METTL25: variants seen among roughly 807,000 people sequenced by gnomAD.
METTL25 encodes the protein probable methyltransferase-like protein 25.
A neutral mutation model predicts 71.6 loss-of-function variants in METTL25; 64 were observed. The ratio of observed to expected loss-of-function variants is 0.89; its 90% confidence interval spans 0.73 to 1.10. METTL25 has a LOEUF of 1.10. METTL25 is among the 50% of genes least tolerant of loss of function. The pLI is 0.00. For synonymous variants in METTL25, 287 were observed against 250.3 expected, an observed-to-expected ratio of 1.15 and a Z score of -1.38; for missense variants, 807 against 707.0, an observed-to-expected ratio of 1.14 and a Z score of -1.60.
intron 5 of METTL25, among the ~76,000 whole-genome samples, chr12:82,413,732 A>T (rs2137069658): frequency 6.6e-6 from 1 of 152,046 alleles, no homozygotes; most frequent in South Asian, 2.1e-4. Flanking sequence ...ATTTAACCTT[A>T]TTTGTATTTA....
intron 1 of METTL25, among the ~76,000 whole-genome samples, chr12:82,384,881 A>C (rs991782923): frequency 6.6e-6 from 1 of 152,124 alleles, no homozygotes; most frequent in African/African-American, 2.4e-5. Context: ...CTCTTATTCT[A>C]TCACACTCTA....
chr12:82,399,993 A>G (rs1016708559), intron 4 of METTL25, among the ~76,000 whole-genome samples: 3 of 150,792 alleles, frequency 2.0e-5, no homozygotes, highest in African/African-American at 7.3e-5. Context: ...TACCCTTGTA[A>G]TTTTTTTTTC....
At chr12:82,406,236 A>G (rs1336107433) in intron 5 of METTL25, among the ~76,000 whole-genome samples, 1 of 152,200 alleles carries the variant, frequency 6.6e-6, no homozygotes, top group Non-Finnish European at 1.5e-5. Context: ...CCTAGGAACC[A>G]GATAATCCTT....
intron 1 of METTL25, chr12:82,369,488 G>A (rs1390888711): frequency 6.7e-6 from 3 of 448,708 alleles, no homozygotes; most frequent in Non-Finnish European, 1.3e-5. Context: ...TCCTTCAGAT[G>A]TGTCCAGAGT....
At chr12:82,407,403 G>T (rs1272263852) in intron 5 of METTL25, among the ~76,000 whole-genome samples, 2 of 152,128 alleles carry the variant, frequency 1.3e-5, no homozygotes, top group Non-Finnish European at 2.9e-5. Flanking sequence ...GGAAAGGTTT[G>T]TGAGAACTGT....
At chr12:82,385,745 A>G (rs905544965) in intron 1 of METTL25, among the ~76,000 whole-genome samples, 2 of 152,170 alleles carry the variant, frequency 1.3e-5, no homozygotes, top group Non-Finnish European at 2.9e-5. Flanking sequence ...AAAGGAATGA[A>G]ATTTAATTTT....
intron 5 of METTL25, among the ~76,000 whole-genome samples, chr12:82,406,142 T>C (rs144142022): frequency 1.6e-4 from 24 of 152,302 alleles, no homozygotes; most frequent in African/African-American, 5.0e-4. Context: ...GTGCCAACTG[T>C]GTTCCACTCT....
At chr12:82,439,587 C>T (rs1038322308) in intron 8 of METTL25, among the ~76,000 whole-genome samples, 26 of 151,716 alleles carry the variant, frequency 1.7e-4, no homozygotes, top group African/African-American at 5.8e-4. Flanking sequence ...CCACTTTTTA[C>T]GGATAGAAGT....
chr12:82,396,737 A>T (rs899015977), intron 3 of METTL25, among the ~76,000 whole-genome samples: 2 of 152,048 alleles, frequency 1.3e-5, no homozygotes, highest in Non-Finnish European at 2.9e-5. Context: ...ATCCTCCTAA[A>T]AACTTTTCTT....
At chr12:82,453,917 T>G (rs947253023) in intron 8 of METTL25, among the ~76,000 whole-genome samples, 11 of 152,216 alleles carry the variant, frequency 7.2e-5, no homozygotes, top group African/African-American at 2.2e-4. Flanking sequence ...TCCAGCTGAT[T>G]AAAGTAGTAG....
At chr12:82,441,550 C>T (rs1890328007) in intron 8 of METTL25, among the ~76,000 whole-genome samples, 1 of 151,492 alleles carries the variant, frequency 6.6e-6, no homozygotes, top group African/African-American at 2.4e-5. Flanking sequence ...TACAAAAAGA[C>T]AAAAGGTAAA....
At chr12:82,431,626 CAG>C (rs1164489471) in intron 6 of METTL25, among the ~76,000 whole-genome samples, 1 of 151,534 alleles carries the variant, frequency 6.6e-6, no homozygotes, top group African/African-American at 2.4e-5. Context: ...CACACACAAA[CAG>C]TAATTATGTA....
intron 1 of METTL25, among the ~76,000 whole-genome samples, chr12:82,363,865 T>A (rs930306273): frequency 1.3e-5 from 2 of 152,106 alleles, no homozygotes; most frequent in Admixed American, 1.3e-4. Context: ...AAAGAGTAAG[T>A]CAATAAGTGC....
chr12:82,380,233 G>C (rs1346006392), intron 1 of METTL25, among the ~76,000 whole-genome samples: 1 of 151,914 alleles, frequency 6.6e-6, no homozygotes, highest in Non-Finnish European at 1.5e-5. Context: ...TTGCTTTTCT[G>C]TTCTTGCATT....
chr12:82,435,263 T>C (rs1261089272), intron 7 of METTL25, among the ~76,000 whole-genome samples: 1 of 151,424 alleles, frequency 6.6e-6, no homozygotes, highest in African/African-American at 2.4e-5. Flanking sequence ...TTTTAAGAGT[T>C]TTTGGACCCT....
intron 5 of METTL25, among the ~76,000 whole-genome samples, chr12:82,417,534 G>T (rs1295495540): frequency 6.6e-6 from 1 of 152,078 alleles, no homozygotes; most frequent in African/African-American, 2.4e-5. Context: ...ATACAAATGG[G>T]TACATGTACA....
At chr12:82,395,510 G>A (rs1885985768) in intron 3 of METTL25, among the ~76,000 whole-genome samples, 1 of 152,064 alleles carries the variant, frequency 6.6e-6, no homozygotes, top group Admixed American at 6.6e-5. Flanking sequence ...ATGAGAGACA[G>A]AAGGAGTCCT....
intron 1 of METTL25, among the ~76,000 whole-genome samples, chr12:82,363,085 A>C (rs963607039): frequency 6.6e-6 from 1 of 152,022 alleles, no homozygotes; most frequent in African/African-American, 2.4e-5. Flanking sequence ...AGCAGGTGCA[A>C]ATTTAAGACG....
chr12:82,392,127 T>C (rs1885648091), intron 3 of METTL25, among the ~76,000 whole-genome samples: 1 of 150,652 alleles, frequency 6.6e-6, no homozygotes. Flanking sequence ...TATTATACTT[T>C]AAGTTTTAGG....
Sources: gnomAD v4.1 joint callset for allele counts (sites outside exome capture counted in the v4.1 genomes callset) on GRCh38, gnomAD v4.1.1 for gene constraint, MANE v1.5 for transcripts, NCBI Gene and HGNC (gene_info 2026-07-23, HGNC 2026-07-21) for gene names.